The following SPATA13 variants were observed in gnomAD, a reference collection of about 807,000 sequenced individuals.
SPATA13 encodes the protein spermatogenesis associated 13.
A neutral mutation model predicts 104.0 loss-of-function variants in SPATA13; 50 were observed. The observed-to-expected ratio is 0.48, with a 90% CI of 0.38 to 0.61. The LOEUF (loss-of-function observed/expected upper bound fraction) is 0.61. SPATA13 is among the 20% of genes least tolerant of loss of function. The pLI is 0.00. For synonymous variants in SPATA13, 606 were observed against 667.5 expected (o/e 0.91, Z 1.42); for missense variants, 1,524 against 1,690.6 (o/e 0.90, Z 1.73).
intron 3 of SPATA13, chr13:24,033,536 C>T (rs539201797): frequency 6.6e-6 from 1 of 152,448 alleles, no homozygotes; most frequent in Admixed American, 6.5e-5. Flanking sequence ...GGAAGAAGAC[C>T]CTGAGGAGAA....
At chr13:24,256,625 C>T (rs556621189) in intron 4 of SPATA13, among the ~76,000 whole-genome samples, 6 of 152,040 alleles carry the variant, frequency 3.9e-5, no homozygotes, top group South Asian at 2.1e-4. Context: ...CCCTCCCTTC[C>T]GAGAACTTGG....
At chr13:23,993,325 T>C (rs1875502838) in intron 2 of SPATA13, among the ~76,000 whole-genome samples, 1 of 152,210 alleles carries the variant, frequency 6.6e-6, no homozygotes, top group African/African-American at 2.4e-5. Flanking sequence ...ACCATGACAT[T>C]TTAATTAATG....
intron 3 of SPATA13, among the ~76,000 whole-genome samples, chr13:24,046,928 A>C (rs1566084690): frequency 6.7e-6 from 1 of 148,804 alleles, no homozygotes; most frequent in Non-Finnish European, 1.5e-5. Flanking sequence ...AAACAGGGCT[A>C]GCCAAGCAGA....
At chr13:24,103,484 C>CAAAAAAAAAAA (rs34983901) in intron 3 of SPATA13, among the ~76,000 whole-genome samples, 2 of 69,848 alleles carry the variant, frequency 2.9e-5, no homozygotes, top group African/African-American at 6.9e-5. Context: ...GACCCTGTCT[C>CAAAAAAAAAAA]AAAAAAAAAA....
intron 2 of SPATA13, among the ~76,000 whole-genome samples, chr13:24,241,142 A>C (rs1020443978): frequency 2.0e-5 from 3 of 152,250 alleles, no homozygotes; most frequent in African/African-American, 7.2e-5. Context: ...ACAGGTTAAA[A>C]CCTAAGATCC....
chr13:24,162,201 G>C (rs2793485), intron 1 of SPATA13, among the ~76,000 whole-genome samples: 81,418 of 152,036 alleles, frequency 0.54, 22,042 homozygotes, highest in Middle Eastern at 0.59. Context: ...CCTCCACCCA[G>C]TTCTCCCATC....
chr13:24,078,297 A>G (rs1031169714), intron 3 of SPATA13, among the ~76,000 whole-genome samples: 4 of 152,142 alleles, frequency 2.6e-5, no homozygotes, highest in African/African-American at 7.2e-5. Context: ...CCAACCATTT[A>G]CTAGTTTTCC....
At chr13:24,022,329 G>A (rs113500048) in intron 3 of SPATA13, among the ~76,000 whole-genome samples, 3 of 152,288 alleles carry the variant, frequency 2.0e-5, no homozygotes, top group African/African-American at 4.8e-5. Flanking sequence ...GAGCCACTGC[G>A]CCTGGCGAAA....
At chr13:23,980,506 T>A (rs1032473630) in intron 1 of SPATA13, among the ~76,000 whole-genome samples, 4 of 152,266 alleles carry the variant, frequency 2.6e-5, no homozygotes, top group African/African-American at 9.6e-5. Context: ...ACCTACTTAA[T>A]ACCTTAATGC....
chr13:24,285,536 T>A (rs1158676047), intron 5 of SPATA13, among the ~76,000 whole-genome samples: 1 of 151,970 alleles, frequency 6.6e-6, no homozygotes, highest in Non-Finnish European at 1.5e-5. Flanking sequence ...CCTCCCTTTT[T>A]TCTTGCATTT....
At chr13:24,275,305 C>T (rs552686608) in intron 4 of SPATA13, among the ~76,000 whole-genome samples, 1 of 152,262 alleles carries the variant, frequency 6.6e-6, no homozygotes, top group Admixed American at 6.5e-5. Context: ...GAATCAGGGG[C>T]CCCCAGAGGG....
intron 2 of SPATA13, among the ~76,000 whole-genome samples, chr13:23,991,706 CT>C (rs1321359280): frequency 6.6e-6 from 1 of 152,160 alleles, no homozygotes; most frequent in Admixed American, 6.5e-5. Flanking sequence ...TTCTCAGCCC[CT>C]AACACCAAGA....
At chr13:24,119,199 G>A (rs1286662494) in intron 3 of SPATA13, among the ~76,000 whole-genome samples, 1 of 152,074 alleles carries the variant, frequency 6.6e-6, no homozygotes, top group Non-Finnish European at 1.5e-5. Context: ...GAGCCACCGC[G>A]CCCGGCTGAC....
intron 3 of SPATA13, among the ~76,000 whole-genome samples, chr13:24,087,276 C>T (rs1879756895): frequency 6.6e-6 from 1 of 152,180 alleles, no homozygotes; most frequent in Non-Finnish European, 1.5e-5. Context: ...TGCCTGAGTT[C>T]CTGAGCAAAG....
chr13:24,097,819 G>C (rs1216030458), intron 3 of SPATA13, among the ~76,000 whole-genome samples: 3 of 152,202 alleles, frequency 2.0e-5, no homozygotes, highest in African/African-American at 7.2e-5. Flanking sequence ...AGATGAAACT[G>C]TACAATCCAA....
chr13:24,291,747 T>TTTA (rs376632397), intron 9 of SPATA13, among the ~76,000 whole-genome samples: 1 of 34,654 alleles, frequency 2.9e-5, no homozygotes, highest in Non-Finnish European at 6.0e-5. Context: ...TTTATTTTTT[T>TTTA]ATTTTTTTAT....
At chr13:24,231,452 C>A (rs920331174) in intron 2 of SPATA13, among the ~76,000 whole-genome samples, 3 of 152,134 alleles carry the variant, frequency 2.0e-5, no homozygotes, top group Non-Finnish European at 4.4e-5. Context: ...GTTAAGGCTG[C>A]GTAATATTTC....
intron 1 of SPATA13, among the ~76,000 whole-genome samples, chr13:24,202,070 CTAAATAAATAAATAAATAAATA>C (rs545748218): frequency 6.6e-6 from 1 of 151,314 alleles, no homozygotes; most frequent in East Asian, 1.9e-4. Flanking sequence ...AAGACTCTGT[CTAAATAAATAAATAAATAAATA>C]AATAAATAAA....
At chr13:24,162,974 A>G (rs1425191195) in intron 1 of SPATA13, among the ~76,000 whole-genome samples, 1 of 152,260 alleles carries the variant, frequency 6.6e-6, no homozygotes, top group African/African-American at 2.4e-5. Context: ...CCTGTAGGAC[A>G]GTGCATGGAG....
Sources: allele counts gnomAD v4.1 joint callset (sites outside exome capture counted in the v4.1 genomes callset), GRCh38; gene constraint gnomAD v4.1.1; transcripts MANE v1.5; gene names NCBI Gene and HGNC (gene_info 2026-07-23, HGNC 2026-07-21).